The following ISM1 variants were observed in gnomAD, a reference collection of about 807,000 sequenced individuals.
ISM1 encodes the protein isthmin 1.
ISM1 carries 25 observed loss-of-function variants against 46.3 expected under a neutral mutation model. The ratio of observed to expected loss-of-function variants is 0.54; its 90% CI spans 0.39 to 0.75. The LOEUF (loss-of-function observed/expected upper bound fraction) is 0.75. Ranked by LOEUF, ISM1 falls within the 30% of genes least tolerant of loss-of-function variation. ISM1 has a pLI of 0.00. For missense variants in ISM1, 536 were observed against 625.4 expected, an observed-to-expected ratio of 0.86 and a Z score of 1.52; for synonymous variants, 255 against 256.7, an observed-to-expected ratio of 0.99 and a Z score of 0.06.
chr20:13,270,437 C>T, intron 1 of ISM1, 67 bp from the exon 2 acceptor site: 1 of 1,522,048 alleles, frequency 6.6e-7, no homozygotes, highest in Non-Finnish European at 8.9e-7. Flanking sequence ...ATATAATGGA[C>T]TGTTAAGGGT....
rs543950003 is a variant in ISM1 at position 13,225,130 on chromosome 20, G to A, written c.138+3216G>A. ...GGCCTCCCAAAGTGCTGGGATTACA[G>A]GCGTGAGCCACCGCGCCCGGCCCAT... On this transcript the variant is annotated intron_variant, in intron 1 of 5. Transcript: ENST00000262487. 2.6e-4 allele frequency among the ~76,000 whole-genome samples: 39 copies of A among 152,086 alleles called. No homozygotes were observed. In the South Asian group the frequency reaches 6.6e-3, roughly 26 times the overall value.
rs1248749400 is a variant in ISM1, at chr20:13,299,467, G to A, written c.*8G>A. 6.3e-7 allele frequency: 1 copy of A among 1,585,174 alleles called. No individual in the cohort carries two copies. Among genetic ancestry groups the A allele is most frequent in the Non-Finnish European group, 8.6e-7 (1 of 1,167,240 alleles). ...GAGGCCAGGGAATATTAAAGAGACT[G>A]GGATGAGGTGGAGGACGCTGCCTCT... On this transcript the variant is annotated 3_prime_UTR_variant, in exon 6 of 6. Transcript: ENST00000262487. This position sits in a 1 kb window ranked among gnomAD's most constrained non-coding sequence, Gnocchi z 5.8.
intron 1 of ISM1, among the ~76,000 whole-genome samples, chr20:13,227,942 T>C (rs2123127668): frequency 6.6e-6 from 1 of 151,976 alleles, no homozygotes; most frequent in East Asian, 1.9e-4. Flanking sequence ...CTTATTTCTT[T>C]ATCTAGCTGC....
At chr20:13,298,362 C>T (rs4814217) in intron 5 of ISM1, among the ~76,000 whole-genome samples, 22,034 of 152,072 alleles carry the variant, frequency 0.14, 2,023 homozygotes, top group East Asian at 0.35. Context: ...ATGATCCGCC[C>T]GCCTCAGCCT....
At chr20:13,270,821 C>G in intron 2 of ISM1, 78 bp downstream of exon 2, 1 of 1,374,858 alleles carries the variant, frequency 7.3e-7, no homozygotes. Context: ...GTGGAAACTG[C>G]TGCCTTACCT....
chr20:13,237,590 G>C lies in ISM1; in HGVS notation c.138+15676G>C, dbSNP rs182441381. On this transcript the variant is annotated intron_variant, in intron 1 of 5. Transcript: ENST00000262487. ...AAAGGGAGTCCAAGGAGGGCAGCTA[G>C]GGTGCTGGTAATGTTTTGCCTCTTG... Among the ~76,000 whole-genome samples the C allele has an allele frequency of 2.6e-5, 4 of 152,306 alleles. No individual in the cohort carries two copies. The East Asian group carries it at 7.7e-4, about 29-fold the overall frequency.
chr20:13,257,126 C>T (rs1029862376), intron 1 of ISM1, among the ~76,000 whole-genome samples: 2 of 152,214 alleles, frequency 1.3e-5, no homozygotes, highest in African/African-American at 4.8e-5. Flanking sequence ...ATAACATGCT[C>T]AACATGAAGC....
chr20:13,318,279 A>G, the ISM1 span, among the ~76,000 whole-genome samples: 1 of 152,178 alleles, frequency 6.6e-6, no homozygotes, highest in East Asian at 1.9e-4. Flanking sequence ...TTAACACAAC[A>G]ACAAGATACC....
rs773926392 is a variant in ISM1 at position 13,299,289 on chromosome 20, G to A, written c.1225G>A (p.Glu409Lys). 2 of 1,612,748 alleles carry A rather than the reference G, an allele frequency of 1.2e-6. No individual in the cohort carries two copies. Among genetic ancestry groups the A allele is most frequent in the Non-Finnish European group, 8.5e-7 (1 of 1,179,306 alleles). Residue 409 changes from glutamate to lysine, a missense_variant, in exon 6 of 6, where the codon GAG becomes AAG. Physicochemically the swap from Glu to Lys is moderately conservative, Grantham distance 56 (BLOSUM62 1). Transcript: ENST00000262487. The surrounding 1 kb of genome is among the most constrained non-coding windows in gnomAD (Gnocchi z 5.8). ...GAGTPNLISTEFSAELHYKVD... is the reference protein window; with the variant it reads ...GAGTPNLISTKFSAELHYKVD... ...GGGCACGCCCAACCTCATCAGCACCGAGTTCTCCGCGGAGCTCCACTACAA... is the reference window on the plus strand; with the variant it reads ...GGGCACGCCCAACCTCATCAGCACCAAGTTCTCCGCGGAGCTCCACTACAA...
the ISM1 span, among the ~76,000 whole-genome samples, chr20:13,309,709 A>T: frequency 6.6e-6 from 1 of 152,314 alleles, no homozygotes; most frequent in African/African-American, 2.4e-5. Context: ...TAAAGGCTCC[A>T]CCAAAAAGCT....
At chr20:13,310,186 T>A in the ISM1 span, among the ~76,000 whole-genome samples, 1 of 152,252 alleles carries the variant, frequency 6.6e-6, no homozygotes, top group Admixed American at 6.5e-5. Flanking sequence ...TATGTCAAAA[T>A]ATACTACAAA....
chr20:13,307,809 C>A, the ISM1 span, among the ~76,000 whole-genome samples: 2 of 152,196 alleles, frequency 1.3e-5, no homozygotes, highest in Non-Finnish European at 2.9e-5. Flanking sequence ...GAATATATCA[C>A]AATTTTATTT....
downstream of ISM1, among the ~76,000 whole-genome samples, chr20:13,305,169 C>A (rs751407857): frequency 7.0e-6 from 1 of 143,780 alleles, no homozygotes; most frequent in Non-Finnish European, 1.5e-5. Flanking sequence ...GAGACAGGAA[C>A]TCTACTAGAT....
chr20:13,269,781 CTTAT>C (rs1270302739), intron 1 of ISM1, among the ~76,000 whole-genome samples: 3 of 152,124 alleles, frequency 2.0e-5, no homozygotes, highest in African/African-American at 4.8e-5. Context: ...TTGATCTGAT[CTTAT>C]TTATTTATCT....
In ISM1 at chr20:13,299,635, T is replaced by C; in HGVS notation, c.*176T>C. 1.6e-6 allele frequency: 1 copy of C among 629,538 alleles called. No homozygotes were observed. Among genetic ancestry groups the C allele is most frequent in the East Asian group, 2.8e-5 (1 of 35,722 alleles). The allele number at this position is 629,538 out of a possible 1,614,324, so 39.0% of individuals were successfully genotyped here. Reference sequence around the variant, plus strand: ...CGTGTGCCACGCCCAGGGGACTGCCTTGTGAAGCCGCCCTCGCCATCTGCA... The same window carrying C: ...CGTGTGCCACGCCCAGGGGACTGCCCTGTGAAGCCGCCCTCGCCATCTGCA... On this transcript the variant is annotated 3_prime_UTR_variant, in exon 6 of 6. Transcript: ENST00000262487. This position sits in a 1 kb window ranked among gnomAD's most constrained non-coding sequence, Gnocchi z 5.8.
chr20:13,260,155 C>T (rs1443849773), intron 1 of ISM1, among the ~76,000 whole-genome samples: 2 of 152,202 alleles, frequency 1.3e-5, no homozygotes, highest in African/African-American at 4.8e-5. Flanking sequence ...AGGCAGGTGG[C>T]AAAGGGAACA....
chr20:13,315,488 C>T, the ISM1 span, among the ~76,000 whole-genome samples: 2 of 151,634 alleles, frequency 1.3e-5, no homozygotes, highest in Non-Finnish European at 2.9e-5. Context: ...GAAGACATAA[C>T]AATCCTTAAT....
At chr20:13,291,320 C>G (rs373771253) in intron 4 of ISM1, among the ~76,000 whole-genome samples, 117 of 152,230 alleles carry the variant, frequency 7.7e-4, no homozygotes, top group South Asian at 2.7e-3. Flanking sequence ...TTAAGGATCT[C>G]TTTACTTGTT....
intron 1 of ISM1, among the ~76,000 whole-genome samples, chr20:13,226,872 T>A (rs1322121): frequency 0.24 from 35,826 of 152,164 alleles, 4,803 homozygotes; most frequent in African/African-American, 0.38. Context: ...CAAGAAATAG[T>A]TTCCACTTCT....
Sources: gnomAD v4.1 joint callset for allele counts (sites outside exome capture counted in the v4.1 genomes callset) on GRCh38, gnomAD v4.1.1 for gene constraint, Gnocchi (gnomAD v3.1) non-coding constraint, MANE v1.5 for transcripts, NCBI Gene and HGNC (gene_info 2026-07-23, HGNC 2026-07-21) for gene names.